The following GLCCI1 variants were observed in gnomAD, a reference collection of about 807,000 sequenced individuals.
The protein encoded by GLCCI1 is glucocorticoid-induced transcript 1 protein.
A neutral mutation model predicts 52.2 loss-of-function variants in GLCCI1; 24 were observed. That is an observed-to-expected ratio of 0.46 (90% CI 0.33 to 0.65). The LOEUF is 0.65. Ranked by LOEUF, GLCCI1 falls within the 30% of genes least tolerant of loss-of-function variation. The pLI is 0.02. For synonymous variants in GLCCI1, 310 were observed against 276.5 expected (o/e 1.12, Z -1.20); for missense variants, 704 against 701.5 (o/e 1.00, Z -0.04).
At chr7:8,079,200 A>T (rs1782938925) in intron 6 of GLCCI1, among the ~76,000 whole-genome samples, 1 of 152,078 alleles carries the variant, frequency 6.6e-6, no homozygotes, top group South Asian at 2.1e-4. Context: ...ACGTCAGCAG[A>T]TTGTTTCATG....
intron 6 of GLCCI1, among the ~76,000 whole-genome samples, chr7:8,080,998 A>G (rs1161091008): frequency 6.6e-6 from 1 of 151,714 alleles, no homozygotes; most frequent in Non-Finnish European, 1.5e-5. Context: ...TTTTACATAT[A>G]TTTTTCACAG....
rs942063695 is a variant in GLCCI1, at chr7:7,968,962, G to C, written c.-389G>C. The C allele has an allele frequency of 6.5e-6, 1 of 154,894 alleles. No individual in the cohort carries two copies. The highest frequency in any genetic ancestry group is 1.4e-5 in the Non-Finnish European group (1 of 69,188). The allele number at this position is 154,894 out of a possible 1,614,324, so 9.6% of individuals were successfully genotyped here. On this transcript the variant is annotated 5_prime_UTR_variant, in exon 1 of 8. Coordinates refer to ENST00000223145, the MANE Select transcript of GLCCI1 (RefSeq NM_138426.4). ...TTGCAGCTGCCGGGTTCTCCCGTGC[G>C]TGCAGCCCTGCGAGGGCTGAGGAGA...
At chr7:8,079,896 T>C (rs546638493) in intron 6 of GLCCI1, among the ~76,000 whole-genome samples, 2 of 151,720 alleles carry the variant, frequency 1.3e-5, no homozygotes, top group African/African-American at 4.9e-5. Flanking sequence ...CTGTACTCTT[T>C]GCTGAATGCT....
chr7:8,001,518 T>C (rs1342401857), intron 1 of GLCCI1, among the ~76,000 whole-genome samples: 1 of 152,236 alleles, frequency 6.6e-6, no homozygotes, highest in African/African-American at 2.4e-5. Context: ...GAGTGTAAAC[T>C]AGTTCAACTA....
chr7:8,012,432 C>CTTTT lies in GLCCI1; in HGVS notation c.609+8400_609+8403dup, dbSNP rs71014746. Among the ~76,000 whole-genome samples, 420 of 70,362 alleles carry CTTTT rather than the reference C, an allele frequency of 6.0e-3. 40 individuals are homozygous for CTTTT. The highest frequency in any genetic ancestry group is 0.016 in the East Asian group (34 of 2,168). 46.2% of individuals were successfully genotyped at this position (70,362 alleles called of 152,430 possible). A position where few individuals can be genotyped will look rare whatever the true frequency, so the allele number is the denominator to read the frequency against. ...CCATTCTGTGGGTTGCCTTTTTATT[C>CTTTT]TTTTTTTTTTTTTTTTTTTTTTTTT... is the stretch of plus-strand genomic sequence containing the variant. On this transcript the variant is annotated intron_variant, in intron 2 of 7. Coordinates refer to ENST00000223145, the MANE Select transcript of GLCCI1 (RefSeq NM_138426.4).
intron 1 of GLCCI1, among the ~76,000 whole-genome samples, chr7:7,995,777 G>A (rs1030494972): frequency 6.6e-6 from 1 of 152,118 alleles, no homozygotes; most frequent in Non-Finnish European, 1.5e-5. Flanking sequence ...GGGAGGGATA[G>A]CATTAGGAGA....
intron 4 of GLCCI1, among the ~76,000 whole-genome samples, chr7:8,058,779 G>A (rs532518291): frequency 1.3e-5 from 2 of 152,202 alleles, no homozygotes; most frequent in Non-Finnish European, 2.9e-5. Context: ...TGACCCTCAT[G>A]CAGTTGAAAA....
intron 1 of GLCCI1, among the ~76,000 whole-genome samples, chr7:7,984,258 C>G (rs557008369): frequency 6.0e-4 from 92 of 152,194 alleles, no homozygotes; most frequent in African/African-American, 2.1e-3. Context: ...CGTGGTCTCC[C>G]TATGTTACCC....
chr7:7,999,059 A>T (rs1435700054), intron 1 of GLCCI1, among the ~76,000 whole-genome samples: 1 of 152,016 alleles, frequency 6.6e-6, no homozygotes, highest in African/African-American at 2.4e-5. Flanking sequence ...CTGCATGCCT[A>T]TATATTTACC....
At chr7:8,010,637 T>C (rs568711946) in intron 2 of GLCCI1, among the ~76,000 whole-genome samples, 5 of 152,234 alleles carry the variant, frequency 3.3e-5, no homozygotes, top group Non-Finnish European at 7.3e-5. Context: ...AAATAATGCT[T>C]TTTGATGGTA....
In GLCCI1 at chr7:8,005,424, C is replaced by T. The variant is rs1022945525; in HGVS notation, c.609+1365C>T. ...GGAGGAGGGAGTTAATATTTATTAACTGTGTACCGTGTACTGTTTGTTTTA... is the reference window on the plus strand; with the variant it reads ...GGAGGAGGGAGTTAATATTTATTAATTGTGTACCGTGTACTGTTTGTTTTA... On this transcript the variant is annotated intron_variant, in intron 2 of 7. Transcript: ENST00000223145. 3.9e-5 allele frequency among the ~76,000 whole-genome samples: 6 copies of T among 152,198 alleles called. No homozygotes were observed. In the East Asian group the frequency reaches 9.7e-4, roughly 25 times the overall value.
intron 6 of GLCCI1, among the ~76,000 whole-genome samples, chr7:8,073,820 C>T (rs1782818136): frequency 6.6e-6 from 1 of 152,114 alleles, no homozygotes; most frequent in African/African-American, 2.4e-5. Flanking sequence ...ATTAAAGCCC[C>T]ATGACATCAG....
At chr7:7,987,801 T>C (rs1780766043) in intron 1 of GLCCI1, among the ~76,000 whole-genome samples, 1 of 152,142 alleles carries the variant, frequency 6.6e-6, no homozygotes, top group Non-Finnish European at 1.5e-5. Flanking sequence ...TTCCACTGTG[T>C]TGTTCAGGCT....
At chr7:7,970,112 G>A (rs1780311394) in intron 1 of GLCCI1, among the ~76,000 whole-genome samples, 2 of 152,166 alleles carry the variant, frequency 1.3e-5, no homozygotes, top group African/African-American at 4.8e-5. Context: ...CGGGGAAGGA[G>A]AAGCTGGGCG....
chr7:8,057,485 T>G (rs1782424099), intron 4 of GLCCI1, among the ~76,000 whole-genome samples: 1 of 152,140 alleles, frequency 6.6e-6, no homozygotes. Flanking sequence ...TTATATTAAA[T>G]TCTCAAAAAG....
At chr7:8,003,765 C>G (rs1054426107) in intron 1 of GLCCI1, 143 bp from the exon 2 acceptor site, 1 of 628,280 alleles carries the variant, frequency 1.6e-6, no homozygotes, top group Non-Finnish European at 2.6e-6. Flanking sequence ...TACATTTCAT[C>G]TGATCATACA....
At chr7:7,999,644 C>G in intron 1 of GLCCI1, among the ~76,000 whole-genome samples, 1 of 151,634 alleles carries the variant, frequency 6.6e-6, no homozygotes, top group Non-Finnish European at 1.5e-5. Context: ...GTGGCTTATA[C>G]CTGTATTCCT....
intron 1 of GLCCI1, among the ~76,000 whole-genome samples, chr7:7,988,033 G>C (rs1208583129): frequency 6.6e-6 from 1 of 152,164 alleles, no homozygotes; most frequent in Non-Finnish European, 1.5e-5. Flanking sequence ...AGATGGGAGT[G>C]ACGGACATAA....
At chr7:8,070,361 TA>T (rs1228803717) in intron 5 of GLCCI1, 2 of 152,256 alleles carry the variant, frequency 1.3e-5, no homozygotes, top group Non-Finnish European at 2.9e-5. Flanking sequence ...GTTACATTAA[TA>T]AACTCTATTG....
Sources: gnomAD v4.1 joint callset for allele counts (sites outside exome capture counted in the v4.1 genomes callset) on GRCh38, gnomAD v4.1.1 for gene constraint, MANE v1.5 for transcripts, NCBI Gene and HGNC (gene_info 2026-07-23, HGNC 2026-07-21) for gene names.